MSI2: variants seen among roughly 807,000 people sequenced by gnomAD.
The protein encoded by MSI2 is musashi RNA binding protein 2, also known as RNA-binding protein Musashi homolog 2.
MSI2 carries 17 observed loss-of-function variants against 45.6 expected under a neutral mutation model. The observed-to-expected ratio is 0.37, with a 90% CI of 0.26 to 0.56. The LOEUF (loss-of-function observed/expected upper bound fraction) is 0.56, where lower values mean the gene tolerates loss of function less well. MSI2 is among the 20% of genes least tolerant of loss of function. The probability of loss-of-function intolerance (pLI) is 0.77; values close to 1 mark genes in which losing one functional copy is unlikely to be tolerated. For synonymous variants in MSI2, 156 were observed against 158.2 expected, an observed-to-expected ratio of 0.99 and a Z score of 0.11; for missense variants, 293 against 444.2, an observed-to-expected ratio of 0.66 and a Z score of 3.06.
intron 10 of MSI2, 129 bp from the exon 11 acceptor site, chr17:57,651,970 C>G: frequency 1.2e-6 from 1 of 802,094 alleles, no homozygotes; most frequent in Non-Finnish European, 2.1e-6. Flanking sequence ...CAAAAGCTGC[C>G]CTGTGAAAAT....
At chr17:57,569,561 G>A (rs2087822847) in intron 7 of MSI2, among the ~76,000 whole-genome samples, 1 of 152,222 alleles carries the variant, frequency 6.6e-6, no homozygotes. Context: ...GGCTAATAAG[G>A]CACCTATTTC....
chr17:57,349,380 C>T (rs576956052), intron 5 of MSI2, among the ~76,000 whole-genome samples: 20 of 152,150 alleles, frequency 1.3e-4, no homozygotes, highest in South Asian at 4.2e-4. Context: ...TCACGGAGAA[C>T]GAATGCTCAT....
At chr17:57,367,765 G>T (rs1917303599) in intron 5 of MSI2, among the ~76,000 whole-genome samples, 1 of 152,198 alleles carries the variant, frequency 6.6e-6, no homozygotes, top group Non-Finnish European at 1.5e-5. Flanking sequence ...TATCTGCAGA[G>T]ATGCTTCACT....
At chr17:57,510,729 C>T (rs2086337388) in intron 6 of MSI2, among the ~76,000 whole-genome samples, 1 of 152,212 alleles carries the variant, frequency 6.6e-6, no homozygotes, top group Admixed American at 6.5e-5. Context: ...CACCCGGCCT[C>T]CTCTTGGTTT....
intron 6 of MSI2, among the ~76,000 whole-genome samples, chr17:57,465,212 A>T (rs1487062919): frequency 6.6e-6 from 1 of 152,178 alleles, no homozygotes; most frequent in Non-Finnish European, 1.5e-5. Flanking sequence ...CTATAATCCC[A>T]GTACTTTGAG....
rs573114107 is a variant in MSI2, at chr17:57,496,136, G to A, written c.406-33540G>A. 7.2e-5 allele frequency among the ~76,000 whole-genome samples: 11 copies of A among 152,272 alleles called. No individual in the cohort carries two copies. In the South Asian group the frequency reaches 1.9e-3, roughly 26 times the overall value. On this transcript the variant is annotated intron_variant, in intron 6 of 13. Coordinates refer to ENST00000284073, the MANE Select transcript of MSI2 (RefSeq NM_138962.4). ...AGAGATCTGGGGCTTAATTATTGTC[G>A]CTTGTGTCATTTCGGCATAATATGG... is the stretch of plus-strand genomic sequence containing the variant.
chr17:57,511,715 C>T (rs562100141), intron 6 of MSI2, among the ~76,000 whole-genome samples: 1 of 152,248 alleles, frequency 6.6e-6, no homozygotes, highest in South Asian at 2.1e-4. Flanking sequence ...TGTTGGATGT[C>T]CCCCAGGCTA....
At chr17:57,691,798 CT>C in the MSI2 span, among the ~76,000 whole-genome samples, 1 of 152,092 alleles carries the variant, frequency 6.6e-6, no homozygotes, top group African/African-American at 2.4e-5. Context: ...TCATTTCTGT[CT>C]TTTGTTAAGC....
intron 6 of MSI2, among the ~76,000 whole-genome samples, chr17:57,498,840 C>T (rs564138167): frequency 1.5e-3 from 229 of 151,810 alleles, no homozygotes; most frequent in Non-Finnish European, 5.0e-4. Context: ...TATATGTATA[C>T]GTGCACCATG....
intron 5 of MSI2, among the ~76,000 whole-genome samples, chr17:57,299,432 G>A (rs908202795): frequency 1.3e-4 from 20 of 152,256 alleles, no homozygotes; most frequent in East Asian, 5.8e-4. Context: ...TGAGAGACAC[G>A]TAACTCCTCC....
chr17:57,299,975 C>T (rs888588506), intron 5 of MSI2, among the ~76,000 whole-genome samples: 2 of 152,128 alleles, frequency 1.3e-5, no homozygotes, highest in African/African-American at 2.4e-5. Context: ...CTAAGGCCTT[C>T]GGGGATGCAG....
At chr17:57,312,773 C>T (rs1417158561) in intron 5 of MSI2, among the ~76,000 whole-genome samples, 1 of 152,170 alleles carries the variant, frequency 6.6e-6, no homozygotes, top group Non-Finnish European at 1.5e-5. Context: ...TTGGATCTTT[C>T]TTCCTTAGAA....
At chr17:57,657,136 GTAGAGA>G (rs1157685466) in intron 11 of MSI2, among the ~76,000 whole-genome samples, 2 of 152,228 alleles carry the variant, frequency 1.3e-5, no homozygotes, top group Non-Finnish European at 2.9e-5. Flanking sequence ...GAGAGAATGC[GTAGAGA>G]TAGAGCAAAA....
In MSI2 at chr17:57,560,656, C is replaced by T. The variant is rs191237839; in HGVS notation, c.454+30932C>T. ...TCTGCAAGATGGGGTAACAGTAACACATGCCTGCTATTATTTATTACTGAT... is the reference window on the plus strand; with the variant it reads ...TCTGCAAGATGGGGTAACAGTAACATATGCCTGCTATTATTTATTACTGAT... On this transcript the variant is annotated intron_variant, in intron 7 of 13. Coordinates refer to ENST00000284073, the MANE Select transcript of MSI2 (RefSeq NM_138962.4). Among the ~76,000 whole-genome samples, 10 of 152,336 alleles carry T rather than the reference C, an allele frequency of 6.6e-5. No individual in the cohort carries two copies. The East Asian group carries it at 1.7e-3, about 26-fold the overall frequency.
intron 10 of MSI2, among the ~76,000 whole-genome samples, chr17:57,644,947 C>T (rs965747439): frequency 1.3e-5 from 2 of 152,118 alleles, no homozygotes; most frequent in Non-Finnish European, 2.9e-5. Context: ...CAGAACCATA[C>T]CCCAGGCAGT....
At position 57,507,183 on chromosome 17, in the gene MSI2, G is replaced by A. The variant is rs755142115; in HGVS notation, c.406-22493G>A. Among the ~76,000 whole-genome samples, 472 of 150,050 alleles carry A rather than the reference G, an allele frequency of 3.1e-3. 21 individuals carry two copies. The highest frequency in any genetic ancestry group is 5.1e-3 in the Non-Finnish European group (344 of 67,618). ...TGTTTCTCTGTGTGTGTTGGGGGGG[G>A]GGGGTGTAAATCTCTTCCCATTGGT... On this transcript the variant is annotated intron_variant, in intron 6 of 13. Transcript: ENST00000284073.
chr17:57,691,815 G>A, the MSI2 span, among the ~76,000 whole-genome samples: 1 of 152,048 alleles, frequency 6.6e-6, no homozygotes, highest in African/African-American at 2.4e-5. Flanking sequence ...TAAGCTGTAG[G>A]CCTTTTATTT....
At chr17:57,292,715 C>T (rs1032444066) in intron 5 of MSI2, among the ~76,000 whole-genome samples, 30 of 152,062 alleles carry the variant, frequency 2.0e-4, no homozygotes, top group African/African-American at 6.8e-4. Context: ...CCCTTGGGAG[C>T]GAGCGAGTCA....
intron 11 of MSI2, among the ~76,000 whole-genome samples, chr17:57,663,092 C>T (rs1385153516): frequency 2.0e-5 from 3 of 152,122 alleles, no homozygotes; most frequent in Non-Finnish European, 4.4e-5. Flanking sequence ...TGGAAGGTCG[C>T]TGGGAAGCCC....
Sources: allele counts gnomAD v4.1 joint callset (sites outside exome capture counted in the v4.1 genomes callset), GRCh38; gene constraint gnomAD v4.1.1; transcripts MANE v1.5; gene names NCBI Gene and HGNC (gene_info 2026-07-23, HGNC 2026-07-21).